The following SDK1 variants were observed in gnomAD, a reference collection of about 807,000 sequenced individuals.
SDK1 encodes the protein sidekick cell adhesion molecule 1.
SDK1 carries 157 observed loss-of-function variants against 245.5 expected under a neutral mutation model. The ratio of observed to expected loss-of-function variants is 0.64; its 90% CI spans 0.56 to 0.73. The LOEUF (loss-of-function observed/expected upper bound fraction) is 0.73, where lower values mean the gene tolerates loss of function less well. Among genes scored for constraint, SDK1 ranks in the 30% least tolerant of loss-of-function variants. The pLI is 0.00. For synonymous variants in SDK1, 1,647 were observed against 1,278.5 expected (o/e 1.29, Z -6.15); for missense variants, 3,583 against 3,002.3 (o/e 1.19, Z -4.52).
chr7:3,789,044 C>T (rs190846003), intron 4 of SDK1, among the ~76,000 whole-genome samples: 29 of 152,342 alleles, frequency 1.9e-4, no homozygotes, highest in Admixed American at 7.8e-4. Context: ...CAGAGCTTGA[C>T]CATATACAAG....
At position 3,401,900 on chromosome 7, in the gene SDK1, A is replaced by G. The variant is rs1157707531; in HGVS notation, c.298+100016A>G. On this transcript the variant is annotated intron_variant, in intron 1 of 44. Transcript: ENST00000404826. ...ACTATCTGGATTTGAAGACCAGTGC[A>G]TGGCGTTTGCTAGGAGTTTATATCA... Among the ~76,000 whole-genome samples, 9 of 152,270 alleles carry G rather than the reference A, an allele frequency of 5.9e-5. 1 individual carries two copies. In the South Asian group the frequency reaches 1.9e-3, roughly 32 times the overall value.
intron 1 of SDK1, chr7:3,338,210 C>A: frequency 3.7e-6 from 1 of 272,992 alleles, no homozygotes; most frequent in Non-Finnish European, 7.1e-6. Context: ...CTTTTGGCCA[C>A]ATACCTGCAA....
intron 38 of SDK1, among the ~76,000 whole-genome samples, chr7:4,210,386 C>T (rs1365125875): frequency 6.6e-6 from 1 of 152,216 alleles, no homozygotes; most frequent in Admixed American, 6.5e-5. Flanking sequence ...CAAGACCAGA[C>T]CTCTGTGTTC....
At chr7:4,111,129 G>A (rs1783313092) in intron 23 of SDK1, among the ~76,000 whole-genome samples, 1 of 152,170 alleles carries the variant, frequency 6.6e-6, no homozygotes, top group African/African-American at 2.4e-5. Flanking sequence ...AACGTGCCGT[G>A]TGCAAACAAA....
chr7:3,762,083 T>G (rs534600188), intron 4 of SDK1, among the ~76,000 whole-genome samples: 1 of 152,214 alleles, frequency 6.6e-6, no homozygotes, highest in Non-Finnish European at 1.5e-5. Flanking sequence ...AGAGGTTAAA[T>G]AAATGTTTAC....
chr7:3,622,686 G>T (rs1033665479), intron 2 of SDK1, among the ~76,000 whole-genome samples: 1 of 152,168 alleles, frequency 6.6e-6, no homozygotes, highest in Admixed American at 6.5e-5. Context: ...ACAAAACGTT[G>T]TTGGTTGTAT....
chr7:3,952,124 A>G, intron 7 of SDK1: 1 of 573,956 alleles, frequency 1.7e-6, no homozygotes, highest in Admixed American at 3.5e-5. Context: ...TGATGTTCTC[A>G]ATCCTTCCAA....
chr7:4,175,697 C>G (rs1236685931), intron 33 of SDK1, 78 bp from the exon 34 acceptor site: 2 of 1,243,808 alleles, frequency 1.6e-6, no homozygotes, highest in Non-Finnish European at 2.4e-6. Context: ...ACCTGTCTCC[C>G]TTGTTCCTGC....
chr7:3,328,113 C>A (rs1779979609), intron 1 of SDK1, among the ~76,000 whole-genome samples: 1 of 152,122 alleles, frequency 6.6e-6, no homozygotes, highest in Non-Finnish European at 1.5e-5. Context: ...GTTTAACTTT[C>A]TGCCCGAAGA....
At chr7:3,852,632 T>TC (rs539620925) in intron 5 of SDK1, among the ~76,000 whole-genome samples, 192 of 149,904 alleles carry the variant, frequency 1.3e-3, no homozygotes, top group Non-Finnish European at 2.2e-3. Flanking sequence ...GCACCTGTAG[T>TC]CCCAGCTACT....
rs34066132 is a variant in SDK1 at position 3,769,936 on chromosome 7, CTGTGTGTGTG to C, written c.714-51490_714-51481del. The stretch of plus-strand genomic sequence containing the variant: ...TCTCAGTGTTATTTGTACTTATTGT[CTGTGTGTGTG>C]TGTGTGTGTGTGTGTGTGTGTGTAT... On this transcript the variant is annotated intron_variant, in intron 4 of 44. Coordinates refer to ENST00000404826, the MANE Select transcript of SDK1 (RefSeq NM_152744.4). Among the ~76,000 whole-genome samples the C allele has an allele frequency of 1.6e-3, 233 of 144,740 alleles. 2 individuals carry two copies. The highest frequency in any genetic ancestry group is 5.2e-3 in the African/African-American group (205 of 39,490). 95.0% of individuals were successfully genotyped at this position (144,740 alleles called of 152,430 possible).
intron 35 of SDK1, among the ~76,000 whole-genome samples, chr7:4,196,918 G>A (rs957574359): frequency 1.3e-5 from 2 of 152,226 alleles, no homozygotes; most frequent in African/African-American, 4.8e-5. Flanking sequence ...CAAGACCAGA[G>A]ATGCTAAGGC....
intron 14 of SDK1, among the ~76,000 whole-genome samples, chr7:4,008,611 G>C (rs1188133529): frequency 6.6e-6 from 1 of 152,194 alleles, no homozygotes; most frequent in African/African-American, 2.4e-5. Context: ...GTTCTGTAAT[G>C]AACTAGAAAG....
At position 4,265,092 on chromosome 7, in the gene SDK1, T is replaced by G. The variant is rs370486696; in HGVS notation, c.6382-32T>G. On this transcript the variant is annotated intron_variant, in intron 44 of 44. Coordinates refer to ENST00000404826, the MANE Select transcript of SDK1 (RefSeq NM_152744.4). Reference sequence around the variant, plus strand: ...ACGCTCCGGGCCCTGCGCCCTGCCCTGCACTCACACCTTCTCTCCCGCTCC... The same window carrying G: ...ACGCTCCGGGCCCTGCGCCCTGCCCGGCACTCACACCTTCTCTCCCGCTCC... 5.8e-5 allele frequency: 92 copies of G among 1,599,256 alleles called. 1 individual carries two copies. The Middle Eastern group carries it at 1.1e-3, about 19-fold the overall frequency.
chr7:3,620,671 C>T (rs912708943), intron 2 of SDK1, among the ~76,000 whole-genome samples: 11 of 152,220 alleles, frequency 7.2e-5, no homozygotes, highest in Middle Eastern at 3.4e-3. Flanking sequence ...CCTCTGCAGA[C>T]CAGTCAGAAG....
chr7:3,557,933 G>T (rs911689867), intron 1 of SDK1, among the ~76,000 whole-genome samples: 1 of 152,084 alleles, frequency 6.6e-6, no homozygotes, highest in Non-Finnish European at 1.5e-5. Context: ...AAATAGAAAA[G>T]TATGCTTGTA....
At chr7:3,435,616 C>T (rs770317403) in intron 1 of SDK1, among the ~76,000 whole-genome samples, 4 of 152,016 alleles carry the variant, frequency 2.6e-5, no homozygotes, top group Non-Finnish European at 5.9e-5. Flanking sequence ...CCGCCCGCTT[C>T]GGCCTCCCAA....
chr7:3,339,303 GAAAT>G (rs954020563), intron 1 of SDK1, among the ~76,000 whole-genome samples: 2 of 152,056 alleles, frequency 1.3e-5, no homozygotes, highest in African/African-American at 2.4e-5. Context: ...GCTGAAAGGA[GAAAT>G]AAATTTAACA....
At chr7:4,247,505 C>G (rs1012467881) in intron 44 of SDK1, among the ~76,000 whole-genome samples, 12 of 152,344 alleles carry the variant, frequency 7.9e-5, no homozygotes, top group African/African-American at 2.9e-4. Context: ...GCTGCATGTA[C>G]GAAAGCAGCA....
Sources: allele counts gnomAD v4.1 joint callset (sites outside exome capture counted in the v4.1 genomes callset), GRCh38; gene constraint gnomAD v4.1.1; transcripts MANE v1.5; gene names NCBI Gene and HGNC (gene_info 2026-07-23, HGNC 2026-07-21).